Variants in CACNB4 observed in about 807,000 individuals in gnomAD.
CACNB4 encodes the protein voltage-dependent L-type calcium channel subunit beta-4.
Under a neutral mutation model 71.2 loss-of-function variants are expected in CACNB4, and 32 were observed. The ratio of observed to expected loss-of-function variants is 0.45; its 90% CI spans 0.34 to 0.60. The LOEUF is 0.60. Among genes scored for constraint, CACNB4 ranks in the 20% least tolerant of loss-of-function variants. CACNB4 has a pLI of 0.01. For missense variants in CACNB4, 464 were observed against 647.9 expected (o/e 0.72, Z 3.08); for synonymous variants, 231 against 236.9 (o/e 0.97, Z 0.23).
intron 2 of CACNB4, among the ~76,000 whole-genome samples, chr2:151,908,849 G>A (rs1023032119): frequency 6.6e-6 from 1 of 152,032 alleles, no homozygotes; most frequent in Non-Finnish European, 1.5e-5. Context: ...CAAATCCCAT[G>A]CCCTAAGTGT....
intron 2 of CACNB4, among the ~76,000 whole-genome samples, chr2:151,932,989 C>T (rs368877764): frequency 2.0e-4 from 30 of 151,860 alleles, no homozygotes; most frequent in African/African-American, 7.2e-4. Context: ...AGGCTCCTTC[C>T]CTTGCAGGCT....
intron 2 of CACNB4, among the ~76,000 whole-genome samples, chr2:151,885,533 G>A (rs1311336836): frequency 6.6e-6 from 1 of 152,100 alleles, no homozygotes; most frequent in African/African-American, 2.4e-5. Context: ...TCATTTCCTA[G>A]TGCTGACATT....
At chr2:151,858,249 A>C (rs1462235688) in intron 10 of CACNB4, 1 of 152,346 alleles carries the variant, frequency 6.6e-6, no homozygotes, top group East Asian at 1.9e-4. Flanking sequence ...ACTGACCATG[A>C]TGATTTGGGC....
chr2:151,999,158 C>T lies in CACNB4; in HGVS notation c.147+99172G>A, dbSNP rs140995858. Among the ~76,000 whole-genome samples the T allele has an allele frequency of 5.5e-4, 83 of 152,222 alleles. 1 individual carries two copies. Among genetic ancestry groups the T allele is most frequent in the Admixed American group, 4.6e-3 (70 of 15,294 alleles). ...AGACAATCAATCACTCACTCCATGG[C>T]CTACTCATGACCTCCACTAGATGGC... On this transcript the variant is annotated intron_variant, in intron 2 of 13. Coordinates refer to ENST00000539935, the MANE Select transcript of CACNB4 (RefSeq NM_000726.5).
intron 2 of CACNB4, among the ~76,000 whole-genome samples, chr2:152,067,392 G>T (rs13392724): frequency 0.28 from 42,539 of 150,402 alleles, 6,914 homozygotes; most frequent in Middle Eastern, 0.36. Flanking sequence ...TGTGTGTGGG[G>T]GGGGGGGTGC....
chr2:151,858,398 A>T (rs1223859643), intron 10 of CACNB4: 1 of 152,254 alleles, frequency 6.6e-6, no homozygotes, highest in Non-Finnish European at 1.5e-5. Flanking sequence ...CTGGAACAAT[A>T]ATCTCATAAG....
chr2:151,909,336 G>C (rs1265821456), intron 2 of CACNB4, among the ~76,000 whole-genome samples: 2 of 151,348 alleles, frequency 1.3e-5, no homozygotes, highest in Non-Finnish European at 2.9e-5. Flanking sequence ...TCGGGAGGCT[G>C]AGGCAGGGAG....
At chr2:151,999,540 T>C (rs1682277117) in intron 2 of CACNB4, among the ~76,000 whole-genome samples, 1 of 152,162 alleles carries the variant, frequency 6.6e-6, no homozygotes, top group African/African-American at 2.4e-5. Context: ...CTAACCCAAT[T>C]TACCCAACGG....
intron 2 of CACNB4, among the ~76,000 whole-genome samples, chr2:151,991,561 T>C (rs1312805904): frequency 6.6e-6 from 1 of 152,178 alleles, no homozygotes; most frequent in African/African-American, 2.4e-5. Context: ...CTAAATGACA[T>C]GCCAAAAACT....
At chr2:152,013,094 G>A (rs1683150650) in intron 2 of CACNB4, among the ~76,000 whole-genome samples, 1 of 152,178 alleles carries the variant, frequency 6.6e-6, no homozygotes, top group African/African-American at 2.4e-5. Context: ...TGCTGCACAG[G>A]TTTGTAGCTA....
At chr2:152,057,832 T>G (rs1367446473) in intron 2 of CACNB4, among the ~76,000 whole-genome samples, 1 of 89,094 alleles carries the variant, frequency 1.1e-5, no homozygotes, top group East Asian at 2.1e-4. Context: ...AAGGAAACTT[T>G]TATTTTTCCA....
At position 151,837,322 on chromosome 2, in the gene CACNB4, A is replaced by T. The variant is rs1343318865; in HGVS notation, c.*1797T>A. ...CAGCTAAACAGGTTCATAATGGGGT[A>T]CAAACACTGAACATAAATGCAGGGG... On this transcript the variant is annotated 3_prime_UTR_variant, in exon 14 of 14. Transcript: ENST00000539935. 6.6e-6 allele frequency: 1 copy of T among 152,022 alleles called. No homozygotes were observed. The highest frequency in any genetic ancestry group is 2.4e-5 in the African/African-American group (1 of 41,430). The allele number at this position is 152,022 out of a possible 1,614,324, so 9.4% of individuals were successfully genotyped here.
intron 2 of CACNB4, among the ~76,000 whole-genome samples, chr2:152,002,965 T>C (rs1682509127): frequency 6.6e-6 from 1 of 152,206 alleles, no homozygotes; most frequent in African/African-American, 2.4e-5. Flanking sequence ...GAGCCCCAAT[T>C]AGGTTCTGCA....
At chr2:151,941,926 C>T (rs1007653779) in intron 2 of CACNB4, among the ~76,000 whole-genome samples, 15 of 152,108 alleles carry the variant, frequency 9.9e-5, no homozygotes, top group African/African-American at 3.6e-4. Flanking sequence ...AAAAGAGAGC[C>T]TTTAGACAGA....
intron 12 of CACNB4, among the ~76,000 whole-genome samples, chr2:151,845,194 G>A (rs2099837243): frequency 6.6e-6 from 1 of 152,214 alleles, no homozygotes; most frequent in African/African-American, 2.4e-5. Flanking sequence ...TGAATGGATA[G>A]AATTTGTATA....
intron 2 of CACNB4, among the ~76,000 whole-genome samples, chr2:151,931,563 C>T (rs545977916): frequency 6.6e-5 from 10 of 152,252 alleles, no homozygotes; most frequent in African/African-American, 2.2e-4. Context: ...CAAAGAAGCT[C>T]CCAAAGCACA....
At chr2:152,041,454 A>T (rs1458637292) in intron 2 of CACNB4, among the ~76,000 whole-genome samples, 1 of 152,240 alleles carries the variant, frequency 6.6e-6, no homozygotes, top group Non-Finnish European at 1.5e-5. Flanking sequence ...TATTAAATCC[A>T]GTTAAAATCA....
intron 2 of CACNB4, among the ~76,000 whole-genome samples, chr2:151,911,350 T>C (rs935306676): frequency 6.6e-6 from 1 of 152,064 alleles, no homozygotes; most frequent in African/African-American, 2.4e-5. Flanking sequence ...TGGATAAGAG[T>C]GGTAGGAGGG....
upstream of CACNB4, chr2:152,099,069 G>C: frequency 8.1e-7 from 1 of 1,229,692 alleles, no homozygotes; most frequent in Non-Finnish European, 1.1e-6. Context: ...GCTGGCCCCC[G>C]AGGCTGGGCT....
Sources: gnomAD v4.1 joint callset for allele counts (sites outside exome capture counted in the v4.1 genomes callset) on GRCh38, gnomAD v4.1.1 for gene constraint, MANE v1.5 for transcripts, NCBI Gene and HGNC (gene_info 2026-07-23, HGNC 2026-07-21) for gene names.